The following SLC7A8 variants were observed in gnomAD, a reference collection of about 807,000 sequenced individuals.
SLC7A8 encodes large neutral amino acids transporter small subunit 2.
SLC7A8 carries 30 observed loss-of-function variants against 51.2 expected under a neutral mutation model. The ratio of observed to expected loss-of-function variants is 0.59; its 90% CI spans 0.44 to 0.80. SLC7A8 has a LOEUF of 0.80. Ranked by LOEUF, SLC7A8 falls within the 30% of genes least tolerant of loss-of-function variation. The pLI is 0.00. For synonymous variants in SLC7A8, 257 were observed against 275.8 expected, an observed-to-expected ratio of 0.93 and a Z score of 0.67; for missense variants, 612 against 674.4, an observed-to-expected ratio of 0.91 and a Z score of 1.03.
At chr14:23,132,043 C>T (rs1236110483) in intron 7 of SLC7A8, among the ~76,000 whole-genome samples, 2 of 130,214 alleles carry the variant, frequency 1.5e-5, no homozygotes, top group East Asian at 4.5e-4. Context: ...CTGACTCTGT[C>T]GCCCAGGCTG....
Position 23,129,789 on chromosome 14 carries a change from G to A in SLC7A8, c.1124C>T (p.Thr375Ile), listed in dbSNP as rs772877527. 3.7e-6 allele frequency: 6 copies of A among 1,613,982 alleles called. No homozygotes were observed. The Admixed American group carries it at 8.3e-5, about 22-fold the overall frequency. ...IPALLFTCIS[T>I]LLMLVTSDMY... ...GTCGCTGGTGACCAGCATCAGCAGGGTGGAGATGCACTGGGAAAGTGGGAG... is the reference window on the plus strand; with the variant it reads ...GTCGCTGGTGACCAGCATCAGCAGGATGGAGATGCACTGGGAAAGTGGGAG... The change falls in exon 9 of 11, where the codon ACC (threonine) becomes ATC (isoleucine). Residue 375 changes from threonine (T) to isoleucine (I), a missense_variant. By Grantham distance (89) the Thr-to-Ile change is moderately conservative. Coordinates refer to ENST00000316902, the MANE Select transcript of SLC7A8 (RefSeq NM_012244.4).
rs17127150 is a variant in SLC7A8, at chr14:23,153,765, C to T, written c.509-10561G>A. Among the ~76,000 whole-genome samples the T allele has an allele frequency of 6.9e-3, 1,044 of 152,242 alleles. 14 individuals carry two copies. The highest frequency in any genetic ancestry group is 0.024 in the African/African-American group (987 of 41,526). The stretch of plus-strand genomic sequence containing the variant: ...GAACTCCATTTGGATTTCTCGGTCT[C>T]GCTGGCTTGCACCTTTCTCAGGAGT... On this transcript the variant is annotated intron_variant, in intron 3 of 10. Transcript: ENST00000316902.
intron 3 of SLC7A8, among the ~76,000 whole-genome samples, chr14:23,161,942 A>AG (rs2048926062): frequency 1.3e-5 from 2 of 151,396 alleles, no homozygotes; most frequent in South Asian, 2.1e-4. Context: ...AAAAAAAAAA[A>AG]AAGCATCTAC....
chr14:23,127,413 G>A lies in SLC7A8; in HGVS notation c.1442-70C>T, dbSNP rs2048588561. 3 of 1,555,018 alleles carry A rather than the reference G, an allele frequency of 1.9e-6. No homozygotes were observed. In the South Asian group the frequency reaches 3.5e-5, roughly 18 times the overall value. On this transcript the variant is annotated intron_variant, in intron 10 of 10. Coordinates refer to ENST00000316902, the MANE Select transcript of SLC7A8 (RefSeq NM_012244.4). ...CCACCAACCTGGCCAAGTGGCCCCG[G>A]CCCTTCCTGGCTCTCCTGCTCCAGG...
chr14:23,170,245 T>A (rs1167846133), intron 1 of SLC7A8, among the ~76,000 whole-genome samples: 1 of 152,202 alleles, frequency 6.6e-6, no homozygotes, highest in Non-Finnish European at 1.5e-5. Context: ...GTCCTTGGAC[T>A]CCTGGTCCAG....
At position 23,140,506 on chromosome 14, in the gene SLC7A8, C is replaced by T. The variant is rs1334686909; in HGVS notation, c.753G>A (p.Leu251=). 4 of 1,613,544 alleles carry T rather than the reference C, an allele frequency of 2.5e-6. No homozygotes were observed. In the African/African-American group the frequency reaches 4.0e-5, roughly 16 times the overall value. Residue 251 remains leucine, a synonymous_variant, in exon 5 of 11, where the codon CTG becomes CTA. Transcript: ENST00000316902. The part of the protein sequence containing the change: ...GSFAYGGWNF[L]NYVTEELVDP... ...CAACAAGCTCCTCAGTCACGTAATTCAGAAAGTTCCAGCCTCCATAGGCAA... is the reference window on the plus strand; with the variant it reads ...CAACAAGCTCCTCAGTCACGTAATTTAGAAAGTTCCAGCCTCCATAGGCAA...
chr14:23,128,067 G>A lies in SLC7A8; in HGVS notation c.1393C>T (p.Leu465=), dbSNP rs1274661973. The change falls in exon 10 of 11, where the codon CTG becomes TTG. Residue 465 remains leucine (L), a synonymous_variant. Transcript: ENST00000316902. The surrounding 1 kb of genome is among the most constrained non-coding windows in gnomAD (Gnocchi z 4.3). ...GGCTTGTGTTGCCAGTAAACACCCA[G>A]GAAATAGACAGGCACTCCTGTCAGC... The part of the protein sequence containing the change: ...IMLTGVPVYF[L]GVYWQHKPKC... The A allele has an allele frequency of 6.2e-7, 1 of 1,614,216 alleles. No individual in the cohort carries two copies. The highest frequency in any genetic ancestry group is 8.5e-7 in the Non-Finnish European group (1 of 1,180,044).
intron 3 of SLC7A8, among the ~76,000 whole-genome samples, chr14:23,158,414 C>T (rs954426231): frequency 6.6e-6 from 1 of 152,162 alleles, no homozygotes; most frequent in Non-Finnish European, 1.5e-5. Flanking sequence ...GGCGCAATCT[C>T]GGCTCACTGC....
Position 23,128,311 on chromosome 14 carries a change from G to C in SLC7A8, c.1264-115C>G. 2 of 1,552,006 alleles carry C rather than the reference G, an allele frequency of 1.3e-6. No individual in the cohort carries two copies. Among genetic ancestry groups the C allele is most frequent in the Non-Finnish European group, 1.7e-6 (2 of 1,150,702 alleles). ...ACAGAGACACATCCTCAAGGGCAAAGGCTGGGCTTCCCTCGGCTCTGTGGT... is the reference window on the plus strand; with the variant it reads ...ACAGAGACACATCCTCAAGGGCAAACGCTGGGCTTCCCTCGGCTCTGTGGT... On this transcript the variant is annotated intron_variant, in intron 9 of 10. Coordinates refer to ENST00000316902, the MANE Select transcript of SLC7A8 (RefSeq NM_012244.4). This position sits in a 1 kb window ranked among gnomAD's most constrained non-coding sequence, Gnocchi z 4.3.
Position 23,127,031 on chromosome 14 carries a change from T to TTC in SLC7A8, c.*144_*145dup. The TTC allele has an allele frequency of 2.1e-6, 2 of 954,098 alleles. No individual in the cohort carries two copies. Among genetic ancestry groups the TTC allele is most frequent in the Admixed American group, 5.4e-5 (2 of 36,944 alleles). The allele number at this position is 954,098 out of a possible 1,614,324, so 59.1% of individuals were successfully genotyped here. ...ATGAATGTCAGTTTTTGTTTACAAT[T>TTC]TCTCACCACCCACACCAAAGTCCTA... On this transcript the variant is annotated 3_prime_UTR_variant, in exon 11 of 11. Coordinates refer to ENST00000316902, the MANE Select transcript of SLC7A8 (RefSeq NM_012244.4).
intron 1 of SLC7A8, among the ~76,000 whole-genome samples, chr14:23,176,719 A>C (rs567119588): frequency 3.8e-4 from 58 of 152,270 alleles, no homozygotes; most frequent in South Asian, 1.7e-3. Flanking sequence ...AGGCGGGCAG[A>C]TCACTTGAGG....
At position 23,165,437 on chromosome 14, in the gene SLC7A8, C is replaced by T; in HGVS notation, c.357-1G>A. 3 of 1,583,358 alleles carry T rather than the reference C, an allele frequency of 1.9e-6. No individual in the cohort carries two copies. Among genetic ancestry groups the T allele is most frequent in the Non-Finnish European group, 8.6e-7 (1 of 1,167,950 alleles). On this transcript the variant is annotated splice_acceptor_variant, in intron 2 of 10. Transcript: ENST00000316902. LOFTEE classifies it high-confidence loss of function. This position sits in a 1 kb window ranked among gnomAD's most constrained non-coding sequence, Gnocchi z 4.2. ...CACAGCAATCCACAGCCTCAGGAAC[C>T]TGAAGGAGGAAAGGGACATCCGCCG...
In SLC7A8 at chr14:23,139,475, A is replaced by C. The variant is rs1346008010; in HGVS notation, c.861T>G (p.Tyr287Ter). 6.2e-7 allele frequency: 1 copy of C among 1,614,200 alleles called. No individual in the cohort carries two copies. The highest frequency in any genetic ancestry group is 2.2e-5 in the East Asian group (1 of 44,876). ...TFVYVFANVA[Y>*]VTAMSPQELL... ...GCTCCTGGGGGGACATTGCAGTGAC[A>C]TAAGCGACATTGGCAAAGACATACA... The change falls in exon 6 of 11, where the codon TAT becomes TAG. Residue 287 changes from tyrosine to a stop codon, truncating the protein, a stop_gained. Transcript: ENST00000316902. LOFTEE classifies it high-confidence loss of function.
chr14:23,156,644 C>T (rs1432588511), intron 3 of SLC7A8, among the ~76,000 whole-genome samples: 1 of 152,200 alleles, frequency 6.6e-6, no homozygotes, highest in East Asian at 1.9e-4. Flanking sequence ...CCTTGACAGT[C>T]AGCAACAAAA....
chr14:23,129,487 A>T, intron 9 of SLC7A8, 163 bp downstream of exon 9: 1 of 703,160 alleles, frequency 1.4e-6, no homozygotes. Context: ...GAGAATGGAA[A>T]TAGTGGTCCC....
intron 3 of SLC7A8, chr14:23,155,361 C>G (rs1022968127): frequency 1.3e-6 from 2 of 1,512,632 alleles, no homozygotes; most frequent in East Asian, 2.5e-5. Flanking sequence ...TGCCCCATCC[C>G]CTCCCCTCCT....
chr14:23,140,120 C>T (rs2048728984), intron 5 of SLC7A8, among the ~76,000 whole-genome samples: 1 of 152,214 alleles, frequency 6.6e-6, no homozygotes, highest in Admixed American at 6.5e-5. Context: ...CCACAATGCA[C>T]CTTTTCCCCC....
chr14:23,148,007 G>A (rs1269018648), intron 3 of SLC7A8, among the ~76,000 whole-genome samples: 1 of 152,144 alleles, frequency 6.6e-6, no homozygotes, highest in East Asian at 1.9e-4. Flanking sequence ...TACAGAGAAG[G>A]TGCCCTCAGC....
At chr14:23,139,352 G>A (rs966465440) in intron 6 of SLC7A8, 72 bp downstream of exon 6, 2 of 1,606,788 alleles carry the variant, frequency 1.2e-6, no homozygotes, top group African/African-American at 2.7e-5. Flanking sequence ...TCAGGGAAAA[G>A]TGAGTGGGGC....
Sources: allele counts gnomAD v4.1 joint callset (sites outside exome capture counted in the v4.1 genomes callset), GRCh38; gene constraint gnomAD v4.1.1; non-coding constraint Gnocchi (gnomAD v3.1); transcripts MANE v1.5; gene names NCBI Gene and HGNC (gene_info 2026-07-23, HGNC 2026-07-21).